The following ARHGDIB variants were observed in gnomAD, a reference collection of about 807,000 sequenced individuals.
ARHGDIB encodes the protein rho GDP-dissociation inhibitor 2.
Under a neutral mutation model 22.6 loss-of-function variants are expected in ARHGDIB, and 20 were observed. The ratio of observed to expected loss-of-function variants is 0.88; its 90% confidence interval spans 0.62 to 1.28. The LOEUF (loss-of-function observed/expected upper bound fraction) is 1.28, where lower values mean the gene tolerates loss of function less well. Among genes scored for constraint, ARHGDIB ranks in the 50% most tolerant of loss-of-function variants. The pLI is 0.00. For missense variants in ARHGDIB, 254 were observed against 245.4 expected, an observed-to-expected ratio of 1.04 and a Z score of -0.23; for synonymous variants, 114 against 96.1, an observed-to-expected ratio of 1.19 and a Z score of -1.09.
Position 14,955,698 on chromosome 12 carries a change from T to C in ARHGDIB, c.-12-4974A>G, listed in dbSNP as rs189761945. Among the ~76,000 whole-genome samples, 3 of 152,338 alleles carry C rather than the reference T, an allele frequency of 2.0e-5. No individual in the cohort carries two copies. In the East Asian group the frequency reaches 5.8e-4, roughly 29 times the overall value. ...CCCGAAGCCCCAGCCATAAATGGCA[T>C]ATACAGTTTGACAATGATTTCTCAA... is the stretch of plus-strand genomic sequence containing the variant. On this transcript the variant is annotated intron_variant, in intron 1 of 5. Transcript: ENST00000228945.
At chr12:14,957,204 T>C (rs991232528) in intron 1 of ARHGDIB, among the ~76,000 whole-genome samples, 1 of 152,224 alleles carries the variant, frequency 6.6e-6, no homozygotes, top group Non-Finnish European at 1.5e-5. Flanking sequence ...GCCTCAGTTT[T>C]ATCACCACTA....
At position 14,942,376 on chromosome 12, in the gene ARHGDIB, T is replaced by A. The variant is rs1863883392; in HGVS notation, c.*146A>T. On this transcript the variant is annotated 3_prime_UTR_variant, in exon 6 of 6. Transcript: ENST00000228945. The stretch of plus-strand genomic sequence containing the variant: ...CTCTTGTTCTAGGGACCACGTTGAG[T>A]GACAGGGTGGGAAAAGATGCATCAA... 2.5e-5 allele frequency: 22 copies of A among 878,318 alleles called. No homozygotes were observed. In the South Asian group the frequency reaches 3.5e-4, roughly 14 times the overall value. The allele number at this position is 878,318 out of a possible 1,614,324, so 54.4% of individuals were successfully genotyped here.
chr12:14,953,008 T>G, intron 1 of ARHGDIB, among the ~76,000 whole-genome samples: 1 of 152,190 alleles, frequency 6.6e-6, no homozygotes, highest in African/African-American at 2.4e-5. Context: ...GGATTAGGTA[T>G]AGGACAAGAT....
At chr12:14,957,964 T>C (rs1040471355) in intron 1 of ARHGDIB, among the ~76,000 whole-genome samples, 2 of 152,158 alleles carry the variant, frequency 1.3e-5, no homozygotes, top group Non-Finnish European at 2.9e-5. Context: ...GAAGTTCCTA[T>C]GTGAGCATCA....
chr12:14,948,138 T>TCG (rs1864073667), intron 3 of ARHGDIB, among the ~76,000 whole-genome samples, 189 bp from the exon 4 acceptor site: 1 of 147,968 alleles, frequency 6.8e-6, no homozygotes. Flanking sequence ...ACACACACAC[T>TCG]TAATGCCTGA....
chr12:14,958,278 G>A (rs1179215326), intron 1 of ARHGDIB, among the ~76,000 whole-genome samples: 1 of 152,178 alleles, frequency 6.6e-6, no homozygotes, highest in South Asian at 2.1e-4. Flanking sequence ...CCCACTTTGC[G>A]GTGCTGCTTT....
intron 3 of ARHGDIB, 45 bp downstream of exon 3, chr12:14,949,757 T>C (rs758487651): frequency 6.3e-7 from 1 of 1,584,396 alleles, no homozygotes; most frequent in East Asian, 2.2e-5. Flanking sequence ...GTTTTCTTTG[T>C]GATATCTTAG....
At chr12:14,947,801 A>T in intron 4 of ARHGDIB, 72 bp downstream of exon 4, 1 of 1,282,720 alleles carries the variant, frequency 7.8e-7, no homozygotes. Flanking sequence ...CAACATGATC[A>T]TGCAAGAAAT....
intron 1 of ARHGDIB, among the ~76,000 whole-genome samples, chr12:14,955,963 T>C (rs954471284): frequency 6.6e-6 from 1 of 152,206 alleles, no homozygotes; most frequent in Non-Finnish European, 1.5e-5. Flanking sequence ...ATTTAGTTCT[T>C]ACAGTAACTT....
intron 4 of ARHGDIB, among the ~76,000 whole-genome samples, chr12:14,947,411 C>T (rs1189071070): frequency 6.6e-6 from 1 of 152,132 alleles, no homozygotes; most frequent in East Asian, 1.9e-4. Context: ...AGGCCCTGTC[C>T]CATTTTCTTT....
chr12:14,950,801 CT>C, intron 1 of ARHGDIB, 77 bp from the exon 2 acceptor site: 7 of 1,224,388 alleles, frequency 5.7e-6, no homozygotes, highest in African/African-American at 1.5e-5. Flanking sequence ...TGTTAGCAGC[CT>C]CCTTACCCTC....
intron 1 of ARHGDIB, among the ~76,000 whole-genome samples, chr12:14,957,192 G>A (rs1202867022): frequency 6.6e-6 from 1 of 152,174 alleles, no homozygotes; most frequent in Non-Finnish European, 1.5e-5. Context: ...TAATTTCACT[G>A]AGCCTCAGTT....
chr12:14,942,202 A>G lies in ARHGDIB; in HGVS notation c.*320T>C. 1 of 319,954 alleles carries G rather than the reference A, an allele frequency of 3.1e-6. No individual in the cohort carries two copies. Among genetic ancestry groups the G allele is most frequent in the Admixed American group, 4.3e-5 (1 of 23,500 alleles). 19.8% of individuals were successfully genotyped at this position (319,954 alleles called of 1,614,324 possible). On this transcript the variant is annotated 3_prime_UTR_variant, in exon 6 of 6. Coordinates refer to ENST00000228945, the MANE Select transcript of ARHGDIB (RefSeq NM_001175.7). Reference sequence around the variant, plus strand: ...AACCTGAGTCAAAGACCTGTTAGTGATAATTTGCCCATTTTCTGGCCTCTA... The same window carrying G: ...AACCTGAGTCAAAGACCTGTTAGTGGTAATTTGCCCATTTTCTGGCCTCTA...
At chr12:14,959,569 C>T (rs1864370171) in intron 1 of ARHGDIB, among the ~76,000 whole-genome samples, 1 of 152,168 alleles carries the variant, frequency 6.6e-6, no homozygotes, top group African/African-American at 2.4e-5. Flanking sequence ...ATAATTTCGA[C>T]TCCCCAGGGC....
chr12:14,945,874 G>GACTGTGATAAAGCCCAGGCTTTCTAAT (rs1864001612), intron 4 of ARHGDIB, among the ~76,000 whole-genome samples: 1 of 152,296 alleles, frequency 6.6e-6, no homozygotes, highest in East Asian at 1.9e-4. Flanking sequence ...TCATCAAAGA[G>GACTGTGATAAAGCCCAGGCTTTCTAAT]ACTGTGATAA....
chr12:14,950,024 G>C, intron 2 of ARHGDIB, 139 bp from the exon 3 acceptor site: 1 of 790,670 alleles, frequency 1.3e-6, no homozygotes, highest in South Asian at 1.8e-5. Context: ...GATGTGGCAG[G>C]TTTGCTATGC....
chr12:14,944,068 T>C (rs1489144117), intron 5 of ARHGDIB, among the ~76,000 whole-genome samples: 1 of 151,828 alleles, frequency 6.6e-6, no homozygotes, highest in Admixed American at 6.6e-5. Context: ...TGGTGGAAAC[T>C]GAGACATGCT....
intron 1 of ARHGDIB, among the ~76,000 whole-genome samples, chr12:14,954,712 A>T (rs1864262351): frequency 6.6e-6 from 1 of 152,222 alleles, no homozygotes; most frequent in Non-Finnish European, 1.5e-5. Flanking sequence ...GTCATGGGTC[A>T]GCTAAGTTAC....
chr12:14,961,431 C>T (rs1292156854), intron 1 of ARHGDIB, 106 bp downstream of exon 1: 2 of 152,188 alleles, frequency 1.3e-5, no homozygotes, highest in Non-Finnish European at 2.9e-5. Context: ...AGAACTGCCC[C>T]TCTAAAAAAA....
Sources: gnomAD v4.1 joint callset for allele counts (sites outside exome capture counted in the v4.1 genomes callset) on GRCh38, gnomAD v4.1.1 for gene constraint, MANE v1.5 for transcripts, NCBI Gene and HGNC (gene_info 2026-07-23, HGNC 2026-07-21) for gene names.